TMEM200A: variants seen among roughly 807,000 people sequenced by gnomAD.
TMEM200A encodes the protein transmembrane protein 200A, also known as two transmembrane C.
TMEM200A carries 12 observed loss-of-function variants against 24.3 expected under a neutral mutation model. The observed-to-expected ratio is 0.49, with a 90% CI of 0.32 to 0.80. The LOEUF (loss-of-function observed/expected upper bound fraction) is 0.80. Among genes scored for constraint, TMEM200A ranks in the 30% least tolerant of loss-of-function variants. The pLI, the probability that TMEM200A is intolerant of heterozygous loss-of-function variation, is 0.04. For synonymous variants in TMEM200A, 224 were observed against 224.4 expected (o/e 1.00, Z 0.02); for missense variants, 545 against 614.4 (o/e 0.89, Z 1.19).
At chr6:130,429,884 C>G (rs560992147) in intron 2 of TMEM200A, among the ~76,000 whole-genome samples, 2 of 151,948 alleles carry the variant, frequency 1.3e-5, no homozygotes, top group African/African-American at 4.8e-5. Flanking sequence ...GTAAAAAAAA[C>G]GTGTATAAAT....
At chr6:130,365,595 G>A, upstream of TMEM200A, 1 of 985,478 alleles carries the variant, frequency 1.0e-6, no homozygotes, top group Non-Finnish European at 1.2e-6. Flanking sequence ...CCGCTCCGGA[G>A]AACTGGGGGA....
intron 2 of TMEM200A, among the ~76,000 whole-genome samples, chr6:130,415,815 C>T (rs558261538): frequency 6.6e-6 from 1 of 152,258 alleles, no homozygotes; most frequent in South Asian, 2.1e-4. Flanking sequence ...TCACAGTATG[C>T]AAGCATTATT....
chr6:130,417,669 T>G (rs1262701895), intron 2 of TMEM200A, among the ~76,000 whole-genome samples: 1 of 152,202 alleles, frequency 6.6e-6, no homozygotes, highest in Non-Finnish European at 1.5e-5. Flanking sequence ...GGACCTTTGC[T>G]TATTAAGGAT....
intron 2 of TMEM200A, among the ~76,000 whole-genome samples, chr6:130,409,766 T>A (rs1405246596): frequency 6.6e-6 from 1 of 152,072 alleles, no homozygotes; most frequent in Non-Finnish European, 1.5e-5. Flanking sequence ...AATCTCAGTA[T>A]GATTTTTGAG....
Position 130,441,243 on chromosome 6 carries a change from A to C in TMEM200A, c.821A>C (p.Lys274Thr). The C allele has an allele frequency of 1.9e-6, 3 of 1,614,138 alleles. No homozygotes were observed. The highest frequency in any genetic ancestry group is 2.5e-6 in the Non-Finnish European group (3 of 1,179,996). ...GATGATAAGACCAGCGGCTCTAAGA[A>C]ATGTGAAACCAAGTCAATTGTGTCA... Reference protein sequence around the residue: ...TTDDKTSGSKKCETKSIVSSS... With the variant: ...TTDDKTSGSKTCETKSIVSSS... The change falls in exon 3 of 3, where the codon AAA (lysine) becomes ACA (threonine). Residue 274 changes from lysine (K) to threonine (T), a missense_variant. Physicochemically the swap from Lys to Thr is moderately conservative, Grantham distance 78. Coordinates refer to ENST00000296978, the MANE Select transcript of TMEM200A (RefSeq NM_001258277.2).
chr6:130,391,830 C>T (rs1187970463), intron 2 of TMEM200A, among the ~76,000 whole-genome samples: 1 of 148,782 alleles, frequency 6.7e-6, no homozygotes, highest in African/African-American at 2.5e-5. Flanking sequence ...GCAAGCTCCA[C>T]CTCCTGGGTT....
At chr6:130,370,559 A>G (rs939279706) in intron 1 of TMEM200A, among the ~76,000 whole-genome samples, 2 of 152,288 alleles carry the variant, frequency 1.3e-5, no homozygotes, top group Middle Eastern at 3.4e-3. Flanking sequence ...CCTCTGCACA[A>G]TGATCTGGAG....
chr6:130,402,850 A>G (rs527972702), intron 2 of TMEM200A, among the ~76,000 whole-genome samples: 4 of 152,216 alleles, frequency 2.6e-5, no homozygotes, highest in South Asian at 4.1e-4. Context: ...CCTATCCTCT[A>G]TTAGAAATTA....
chr6:130,439,286 G>GGAA (rs1780097092), intron 2 of TMEM200A: 1 of 152,180 alleles, frequency 6.6e-6, no homozygotes, highest in Non-Finnish European at 1.5e-5. Context: ...CACAAGGCTG[G>GGAA]GAAGAGTAGG....
chr6:130,399,340 T>G (rs1297791122), intron 2 of TMEM200A, among the ~76,000 whole-genome samples: 1 of 152,084 alleles, frequency 6.6e-6, no homozygotes, highest in Non-Finnish European at 1.5e-5. Context: ...TTTCAACCAC[T>G]ATGTCTTTGA....
intron 2 of TMEM200A, among the ~76,000 whole-genome samples, chr6:130,406,780 A>C (rs1285388909): frequency 6.6e-6 from 1 of 152,128 alleles, no homozygotes; most frequent in Non-Finnish European, 1.5e-5. Context: ...ACCCATCTCT[A>C]ACTAATGCTC....
chr6:130,434,660 G>C lies in TMEM200A; in HGVS notation c.-16-5747G>C, dbSNP rs9492591. Among the ~76,000 whole-genome samples, 880 of 152,244 alleles carry C rather than the reference G, an allele frequency of 5.8e-3. 6 individuals are homozygous for C. The highest frequency in any genetic ancestry group is 0.02 in the African/African-American group (833 of 41,540). Reference sequence around the variant, plus strand: ...AAGATTAGTATGAGAACAAAAATAGGAGAGGTAAGCCTGAAGATTAGAACG... The same window carrying C: ...AAGATTAGTATGAGAACAAAAATAGCAGAGGTAAGCCTGAAGATTAGAACG... On this transcript the variant is annotated intron_variant, in intron 2 of 2. Transcript: ENST00000296978.
At chr6:130,395,438 A>G (rs1778930432) in intron 2 of TMEM200A, among the ~76,000 whole-genome samples, 1 of 152,214 alleles carries the variant, frequency 6.6e-6, no homozygotes, top group African/African-American at 2.4e-5. Context: ...CAGATTTGTG[A>G]AGTCATGCTA....
At chr6:130,386,568 G>C (rs1778716163) in intron 2 of TMEM200A, among the ~76,000 whole-genome samples, 1 of 152,098 alleles carries the variant, frequency 6.6e-6, no homozygotes, top group Non-Finnish European at 1.5e-5. Context: ...TAGATGTCTG[G>C]TTTTTCCTTC....
At chr6:130,402,267 A>G (rs1357184282) in intron 2 of TMEM200A, among the ~76,000 whole-genome samples, 1 of 152,224 alleles carries the variant, frequency 6.6e-6, no homozygotes, top group South Asian at 2.1e-4. Flanking sequence ...GTGAAACACA[A>G]CAAACAATTT....
chr6:130,383,521 G>T (rs1285897808), intron 1 of TMEM200A, among the ~76,000 whole-genome samples: 1 of 152,212 alleles, frequency 6.6e-6, no homozygotes, highest in Non-Finnish European at 1.5e-5. Context: ...TCACTCAGCT[G>T]TGTATCCAGA....
rs2115214123 is a variant in TMEM200A, at chr6:130,432,545, T to C, written c.-16-7862T>C. ...CTTAAGTCTCAGAACAAACTTGCAG[T>C]CATAACTACCTCTCCATGGACAGAA... On this transcript the variant is annotated intron_variant, in intron 2 of 2. Transcript: ENST00000296978. 3.3e-5 allele frequency among the ~76,000 whole-genome samples: 5 copies of C among 152,352 alleles called. No individual in the cohort carries two copies. In the Middle Eastern group the frequency reaches 0.017, roughly 518 times the overall value.
At chr6:130,423,778 C>T (rs117544503) in intron 2 of TMEM200A, among the ~76,000 whole-genome samples, 2,774 of 152,120 alleles carry the variant, frequency 0.018, 23 homozygotes, top group Non-Finnish European at 0.027. Flanking sequence ...AGAAACTAAA[C>T]AGATTAAATG....
At chr6:130,394,944 G>C (rs1282761916) in intron 2 of TMEM200A, among the ~76,000 whole-genome samples, 2 of 152,156 alleles carry the variant, frequency 1.3e-5, no homozygotes, top group Admixed American at 6.5e-5. Context: ...TTGAGGCCAG[G>C]AACAGTTACA....
Sources: gnomAD v4.1 joint callset for allele counts (sites outside exome capture counted in the v4.1 genomes callset) on GRCh38, gnomAD v4.1.1 for gene constraint, MANE v1.5 for transcripts, NCBI Gene and HGNC (gene_info 2026-07-23, HGNC 2026-07-21) for gene names.